The following PSMA6 variants were observed in gnomAD, a reference collection of about 807,000 sequenced individuals.
PSMA6 encodes the protein proteasome 20S subunit alpha 6.
For synonymous variants in PSMA6, 88 were observed against 97.7 expected, an observed-to-expected ratio of 0.90 and a Z score of 0.59; for missense variants, 170 against 294.8, an observed-to-expected ratio of 0.58 and a Z score of 3.10.
At chr14:35,292,853 G>T (rs2051512604) in intron 1 of PSMA6, 2 of 519,824 alleles carry the variant, frequency 3.8e-6, no homozygotes, top group Non-Finnish European at 3.6e-6. Flanking sequence ...TTCAGTTATT[G>T]TATTCTGTCC....
At chr14:35,296,440 C>T (rs1465930369) in intron 1 of PSMA6, among the ~76,000 whole-genome samples, 1 of 152,244 alleles carries the variant, frequency 6.6e-6, no homozygotes, top group Admixed American at 6.5e-5. Context: ...AAGTGATTCT[C>T]CTGCCTCAGC....
intron 1 of PSMA6, among the ~76,000 whole-genome samples, chr14:35,297,505 G>A (rs534528392): frequency 3.9e-5 from 6 of 152,162 alleles, no homozygotes; most frequent in East Asian, 1.9e-4. Context: ...GTGAGCCACC[G>A]TGAGGCCTGT....
At chr14:35,284,732 G>A (rs1039665241) in intron 1 of PSMA6, among the ~76,000 whole-genome samples, 3 of 152,070 alleles carry the variant, frequency 2.0e-5, no homozygotes, top group African/African-American at 7.2e-5. Flanking sequence ...TTAATCTGTG[G>A]TGTCTGATGC....
At chr14:35,313,989 C>T (rs2051991631) in intron 5 of PSMA6, 1 of 154,464 alleles carries the variant, frequency 6.5e-6, no homozygotes, top group African/African-American at 2.4e-5. Flanking sequence ...ACAAACAACA[C>T]TTAAAACATT....
chr14:35,313,368 G>A (rs893712967), intron 5 of PSMA6: 1 of 222,558 alleles, frequency 4.5e-6, no homozygotes, highest in Non-Finnish European at 8.6e-6. Flanking sequence ...AGAGGCTGAA[G>A]CTGGAGGACT....
chr14:35,280,442 C>T (rs1014617918), intron 1 of PSMA6, among the ~76,000 whole-genome samples: 5 of 149,082 alleles, frequency 3.4e-5, no homozygotes, highest in African/African-American at 7.4e-5. Flanking sequence ...AGCTCAGTGG[C>T]GTCAATTTGG....
Position 35,282,946 on chromosome 14 carries a change from G to T in PSMA6, c.19+4228G>T, listed in dbSNP as rs180810839. 4.4e-4 allele frequency among the ~76,000 whole-genome samples: 66 copies of T among 151,714 alleles called. No individual in the cohort carries two copies. In the East Asian group the frequency reaches 0.013, roughly 30 times the overall value. ...CAACCTCTGCCTCCTGGGCTCAAGCGGTTCTCCTGCCTCAGCCTCCTGAGT... is the reference window on the plus strand; with the variant it reads ...CAACCTCTGCCTCCTGGGCTCAAGCTGTTCTCCTGCCTCAGCCTCCTGAGT... On this transcript the variant is annotated intron_variant, in intron 1 of 6. Coordinates refer to the PSMA6 transcript ENST00000540871.
upstream of PSMA6, among the ~76,000 whole-genome samples, chr14:35,288,525 A>G (rs1157536430): frequency 1.3e-5 from 2 of 152,136 alleles, no homozygotes; most frequent in Non-Finnish European, 2.9e-5. Context: ...CAACAACAAC[A>G]ACAACAAAAA....
chr14:35,282,360 G>C (rs1424593428), intron 1 of PSMA6, among the ~76,000 whole-genome samples: 1 of 151,864 alleles, frequency 6.6e-6, no homozygotes, highest in East Asian at 1.9e-4. Context: ...TCAGCCTCCT[G>C]AGTAGCTGGT....
At chr14:35,287,505 C>T (rs961378183), upstream of PSMA6, among the ~76,000 whole-genome samples, 2 of 152,064 alleles carry the variant, frequency 1.3e-5, no homozygotes, top group Non-Finnish European at 2.9e-5. Flanking sequence ...CTTTAAACAC[C>T]ATGTGATTCA....
At chr14:35,294,209 T>C (rs150314490) in intron 1 of PSMA6, among the ~76,000 whole-genome samples, 8 of 152,162 alleles carry the variant, frequency 5.3e-5, no homozygotes, top group African/African-American at 1.9e-4. Context: ...CCTGGCTAAT[T>C]TTGTATTTTT....
At chr14:35,307,764 G>T (rs1374144995) in intron 1 of PSMA6, among the ~76,000 whole-genome samples, 1 of 152,032 alleles carries the variant, frequency 6.6e-6, no homozygotes, top group South Asian at 2.1e-4. Context: ...TGGAAATTGG[G>T]TGCATCAGCT....
chr14:35,280,079 C>A (rs1376667696), intron 1 of PSMA6, among the ~76,000 whole-genome samples: 4 of 151,206 alleles, frequency 2.6e-5, no homozygotes, highest in Admixed American at 1.3e-4. Flanking sequence ...GAGCCGAGAT[C>A]GCGCCACTAC....
intron 1 of PSMA6, among the ~76,000 whole-genome samples, chr14:35,301,983 A>AT (rs11285398): frequency 3.3e-4 from 50 of 150,698 alleles, no homozygotes; most frequent in South Asian, 8.4e-4. Context: ...AGCTTAGGTG[A>AT]TTTTTTTTTT....
At chr14:35,308,185 G>A (rs2051867550) in intron 2 of PSMA6, 97 bp downstream of exon 2, 5 of 1,482,452 alleles carry the variant, frequency 3.4e-6, no homozygotes, top group Non-Finnish European at 9.1e-7. Flanking sequence ...ACTTTGGGAG[G>A]CTGAGGTGGG....
At chr14:35,314,581 T>G in intron 6 of PSMA6, 126 bp downstream of exon 6, 1 of 1,252,382 alleles carries the variant, frequency 8.0e-7, no homozygotes, top group South Asian at 2.4e-5. Flanking sequence ...GTGTGTTTGT[T>G]TTTTTCCCCA....
At chr14:35,296,571 T>C (rs2051592640) in intron 1 of PSMA6, among the ~76,000 whole-genome samples, 1 of 151,974 alleles carries the variant, frequency 6.6e-6, no homozygotes, top group South Asian at 2.1e-4. Flanking sequence ...CCTCATGATC[T>C]GCCCACCTCG....
intron 1 of PSMA6, among the ~76,000 whole-genome samples, chr14:35,306,816 C>T (rs982540451): frequency 1.3e-5 from 2 of 152,162 alleles, no homozygotes; most frequent in African/African-American, 4.8e-5. Flanking sequence ...GGATTGACAG[C>T]AGCTAGAAGT....
chr14:35,282,941 C>T (rs1228265131), intron 1 of PSMA6, among the ~76,000 whole-genome samples: 3 of 151,870 alleles, frequency 2.0e-5, no homozygotes, highest in East Asian at 2.0e-4. Context: ...CTCCTGGGCT[C>T]AAGCGGTTCT....
Sources: allele counts gnomAD v4.1 joint callset (sites outside exome capture counted in the v4.1 genomes callset), GRCh38; gene constraint gnomAD v4.1.1; transcripts MANE v1.5; gene names NCBI Gene and HGNC (gene_info 2026-07-23, HGNC 2026-07-21).